SPEF2: variants seen among roughly 807,000 people sequenced by gnomAD.
SPEF2 encodes sperm flagellar and cilia associated 2, also known as sperm flagella and cilia-associated protein 2.
Under a neutral mutation model 224.6 loss-of-function variants are expected in SPEF2, and 187 were observed. That is an observed-to-expected ratio of 0.83 (90% CI 0.74 to 0.94). SPEF2 has a LOEUF of 0.94. SPEF2 is among the 40% of genes least tolerant of loss of function. The probability of loss-of-function intolerance (pLI) is 0.00; values close to 1 mark genes in which losing one functional copy is unlikely to be tolerated. For synonymous variants in SPEF2, 715 were observed against 707.3 expected (o/e 1.01, Z -0.17); for missense variants, 2,170 against 2,135.6 (o/e 1.02, Z -0.32).
chr5:35,787,750 A>G, intron 30 of SPEF2: 2 of 521,056 alleles, frequency 3.8e-6, no homozygotes, highest in South Asian at 3.7e-5. Flanking sequence ...GGTAATTAAT[A>G]AGCACTCCAT....
At position 35,691,028 on chromosome 5, in the gene SPEF2, T is replaced by C. The variant is rs1439115360; in HGVS notation, c.1525-9T>C. 2 of 1,604,486 alleles carry C rather than the reference T, an allele frequency of 1.2e-6. No individual in the cohort carries two copies. Among genetic ancestry groups the C allele is most frequent in the Admixed American group, 3.4e-5 (2 of 58,890 alleles). The stretch of plus-strand genomic sequence containing the variant: ...AATATTTCTGTTTATTTGATCGTTA[T>C]TTTTACAGAACATGGTTGGAGAGTG... On this transcript the variant is annotated splice_polypyrimidine_tract_variant and intron_variant, in intron 10 of 36. Transcript: ENST00000356031.
Position 35,686,200 on chromosome 5 carries a change from T to C in SPEF2, c.1525-4837T>C, listed in dbSNP as rs896055390. Among the ~76,000 whole-genome samples the C allele has an allele frequency of 5.3e-5, 8 of 152,272 alleles. No individual in the cohort carries two copies. The East Asian group carries it at 1.5e-3, about 29-fold the overall frequency. Reference sequence around the variant, plus strand: ...AAATACTAATGTATCTTGAAATTTCTAATTTTCAGTATTCCACTATGATTT... The same window carrying C: ...AAATACTAATGTATCTTGAAATTTCCAATTTTCAGTATTCCACTATGATTT... On this transcript the variant is annotated intron_variant, in intron 10 of 36. Transcript: ENST00000356031.
At chr5:35,739,296 G>A (rs1260290933) in intron 21 of SPEF2, among the ~76,000 whole-genome samples, 1 of 152,156 alleles carries the variant, frequency 6.6e-6, no homozygotes, top group Non-Finnish European at 1.5e-5. Flanking sequence ...GTGTTATGAT[G>A]GGAAAAGTAC....
intron 26 of SPEF2, 28 bp downstream of exon 26, chr5:35,763,730 T>C: frequency 1.3e-6 from 2 of 1,577,916 alleles, no homozygotes; most frequent in Non-Finnish European, 1.7e-6. Context: ...TATTTTCTGT[T>C]AGTAATACAC....
chr5:35,618,197 C>A, intron 1 of SPEF2, 142 bp downstream of exon 1: 1 of 862,018 alleles, frequency 1.2e-6, no homozygotes, highest in Non-Finnish European at 1.9e-6. Flanking sequence ...CAGCATCCCA[C>A]AGTGAGCAAC....
chr5:35,714,389 G>A (rs1176927707), intron 20 of SPEF2, among the ~76,000 whole-genome samples: 1 of 151,494 alleles, frequency 6.6e-6, no homozygotes, highest in Non-Finnish European at 1.5e-5. Flanking sequence ...CCCTCAATAA[G>A]TGAACTTTTA....
At chr5:35,772,429 C>T (rs904051356) in intron 27 of SPEF2, among the ~76,000 whole-genome samples, 1 of 152,128 alleles carries the variant, frequency 6.6e-6, no homozygotes, top group African/African-American at 2.4e-5. Context: ...AAAATCACAA[C>T]CACAATTCCT....
At chr5:35,792,956 A>C (rs1420006265) in intron 31 of SPEF2, among the ~76,000 whole-genome samples, 1 of 152,182 alleles carries the variant, frequency 6.6e-6, no homozygotes, top group Non-Finnish European at 1.5e-5. Context: ...AATGTCAAGG[A>C]AGCAAAAAAT....
chr5:35,754,440 A>G lies in SPEF2; in HGVS notation c.3468+679A>G, dbSNP rs184989490. Among the ~76,000 whole-genome samples the G allele has an allele frequency of 1.6e-3, 242 of 152,310 alleles. 2 individuals carry two copies. Among genetic ancestry groups the G allele is most frequent in the African/African-American group, 5.5e-3 (230 of 41,556 alleles). On this transcript the variant is annotated intron_variant, in intron 24 of 36. Coordinates refer to ENST00000356031, the MANE Select transcript of SPEF2 (RefSeq NM_024867.4). ...ACTGTGTTTGCCAATTGACATTACC[A>G]GAAGGAAAAGTCAACTTTCTACGAA...
chr5:35,814,442 C>G (rs773403293), intron 36 of SPEF2, 22 bp from the exon 37 acceptor site: 3 of 1,449,278 alleles, frequency 2.1e-6, no homozygotes, highest in Non-Finnish European at 2.9e-6. Flanking sequence ...TTTGTAACTT[C>G]TCTTTGAATC....
intron 13 of SPEF2, among the ~76,000 whole-genome samples, chr5:35,695,356 C>A (rs944841542): frequency 1.3e-5 from 2 of 151,020 alleles, no homozygotes; most frequent in African/African-American, 4.9e-5. Context: ...CTTGGTAATC[C>A]AGGAAAATAA....
At chr5:35,703,146 CT>C (rs1739023805) in intron 16 of SPEF2, among the ~76,000 whole-genome samples, 6 of 149,772 alleles carry the variant, frequency 4.0e-5, no homozygotes, top group Admixed American at 2.0e-4. Flanking sequence ...AAAAGGGTCT[CT>C]CTATATATAT....
chr5:35,747,811 A>T lies in SPEF2; in HGVS notation c.3331-5813A>T, dbSNP rs182342238. On this transcript the variant is annotated intron_variant, in intron 23 of 36. Coordinates refer to ENST00000356031, the MANE Select transcript of SPEF2 (RefSeq NM_024867.4). ...AAGTCAACAAGGAAACAATGGATTT[A>T]AACTATTGCTTGGAACAAATGGACT... Among the ~76,000 whole-genome samples the T allele has an allele frequency of 2.2e-3, 338 of 152,304 alleles. 1 individual carries two copies. Among genetic ancestry groups the T allele is most frequent in the Admixed American group, 4.1e-3 (63 of 15,292 alleles).
intron 23 of SPEF2, among the ~76,000 whole-genome samples, chr5:35,743,672 T>C (rs1369608390): frequency 6.7e-6 from 1 of 149,606 alleles, no homozygotes; most frequent in East Asian, 1.9e-4. Flanking sequence ...TAATTCTGAT[T>C]GAAATAACCA....
chr5:35,658,584 A>AT (rs77041579), intron 7 of SPEF2, among the ~76,000 whole-genome samples: 83 of 150,130 alleles, frequency 5.5e-4, no homozygotes, highest in South Asian at 2.7e-3. Context: ...TATAGCACTT[A>AT]TTTTTTTTTT....
At chr5:35,725,346 G>T (rs1217799216) in intron 20 of SPEF2, among the ~76,000 whole-genome samples, 1 of 152,140 alleles carries the variant, frequency 6.6e-6, no homozygotes, top group Admixed American at 6.5e-5. Context: ...TTTCTATCTA[G>T]TGAAGCTGTT....
At chr5:35,693,514 C>T (rs1054442015) in intron 12 of SPEF2, among the ~76,000 whole-genome samples, 1 of 152,048 alleles carries the variant, frequency 6.6e-6, no homozygotes, top group Admixed American at 6.6e-5. Flanking sequence ...CATGAAGATT[C>T]CTGGGGTGGA....
chr5:35,798,142 G>C (rs565484979), intron 33 of SPEF2, among the ~76,000 whole-genome samples: 1 of 152,124 alleles, frequency 6.6e-6, no homozygotes, highest in Non-Finnish European at 1.5e-5. Flanking sequence ...CAACGGCCTC[G>C]TGATAGGTCT....
At chr5:35,664,092 A>T (rs1750098489) in intron 8 of SPEF2, among the ~76,000 whole-genome samples, 1 of 152,124 alleles carries the variant, frequency 6.6e-6, no homozygotes, top group Non-Finnish European at 1.5e-5. Flanking sequence ...ACTTGTTTTC[A>T]AAGCTCCATG....
Sources: gnomAD v4.1 joint callset for allele counts (sites outside exome capture counted in the v4.1 genomes callset) on GRCh38, gnomAD v4.1.1 for gene constraint, MANE v1.5 for transcripts, NCBI Gene and HGNC (gene_info 2026-07-23, HGNC 2026-07-21) for gene names.